RAB28: variants seen among roughly 807,000 people sequenced by gnomAD.
The protein encoded by RAB28 is ras-related protein Rab-28.
Under a neutral mutation model 31.7 loss-of-function variants are expected in RAB28, and 24 were observed. The ratio of observed to expected loss-of-function variants is 0.76; its 90% CI spans 0.55 to 1.06. RAB28 has a LOEUF of 1.06. Ranked by LOEUF, RAB28 falls within the 50% of genes least tolerant of loss-of-function variation. The pLI is 0.00. For missense variants in RAB28, 254 were observed against 258.5 expected (o/e 0.98, Z 0.12); for synonymous variants, 100 against 90.4 (o/e 1.11, Z -0.60).
At chr4:13,416,447 G>A (rs571350672) in intron 4 of RAB28, among the ~76,000 whole-genome samples, 1 of 152,308 alleles carries the variant, frequency 6.6e-6, no homozygotes, top group Non-Finnish European at 1.5e-5. Context: ...CTTCATTCTT[G>A]AAGTCAGTGA....
At chr4:13,393,302 C>T (rs866722099) in intron 4 of RAB28, among the ~76,000 whole-genome samples, 2 of 152,148 alleles carry the variant, frequency 1.3e-5, no homozygotes, top group African/African-American at 4.8e-5. Flanking sequence ...AGAGGATGTA[C>T]ATTCTTCTCA....
At chr4:13,453,184 T>C (rs1007692570) in intron 4 of RAB28, among the ~76,000 whole-genome samples, 2 of 152,220 alleles carry the variant, frequency 1.3e-5, no homozygotes, top group African/African-American at 4.8e-5. Flanking sequence ...GTAGGCAGCA[T>C]ATGGTTGGGT....
chr4:13,472,146 T>A (rs1171066511), intron 3 of RAB28, among the ~76,000 whole-genome samples: 1 of 152,044 alleles, frequency 6.6e-6, no homozygotes, highest in East Asian at 1.9e-4. Context: ...ATACTTTATT[T>A]TTTATTTATT....
At chr4:13,374,885 A>G (rs936827319) in intron 6 of RAB28, among the ~76,000 whole-genome samples, 1 of 152,194 alleles carries the variant, frequency 6.6e-6, no homozygotes, top group African/African-American at 2.4e-5. Flanking sequence ...TAATAAAATT[A>G]ATCAACTTGG....
chr4:13,368,328 G>A lies in RAB28; in HGVS notation c.*230C>T. 8.5e-7 allele frequency: 1 copy of A among 1,176,684 alleles called. No homozygotes were observed. The highest frequency in any genetic ancestry group is 1.0e-6 in the Non-Finnish European group (1 of 952,974). 72.9% of individuals were successfully genotyped at this position (1,176,684 alleles called of 1,614,324 possible). On this transcript the variant is annotated 3_prime_UTR_variant, in exon 7 of 7. Transcript: ENST00000330852. ...TTTGCAATGAAGCAGTCTAATTCCA[G>A]GGAATGGGTTTTCCATTTTGAATTC...
intron 4 of RAB28, among the ~76,000 whole-genome samples, chr4:13,434,695 A>G (rs1406532232): frequency 2.0e-5 from 3 of 152,142 alleles, no homozygotes; most frequent in African/African-American, 7.2e-5. Context: ...CATATCTAGC[A>G]TCTTCTCAGA....
intron 3 of RAB28, among the ~76,000 whole-genome samples, chr4:13,468,876 T>C (rs1471381079): frequency 6.6e-6 from 1 of 151,528 alleles, no homozygotes; most frequent in Non-Finnish European, 1.5e-5. Flanking sequence ...TTAACAACAG[T>C]AATTAATATG....
In RAB28 at chr4:13,468,444, T is replaced by A. The variant is rs545268148; in HGVS notation, c.261+5874A>T. 9.9e-5 allele frequency among the ~76,000 whole-genome samples: 15 copies of A among 151,902 alleles called. No individual in the cohort carries two copies. In the South Asian group the frequency reaches 2.7e-3, roughly 27 times the overall value. On this transcript the variant is annotated intron_variant, in intron 3 of 6. Coordinates refer to ENST00000330852, the MANE Select transcript of RAB28 (RefSeq NM_001017979.3). ...GTAAAATAGCTTTAAAAACTCAAAG[T>A]ATGTGAAGATTAAACAACATATTCT...
intron 4 of RAB28, among the ~76,000 whole-genome samples, chr4:13,388,299 GA>G (rs1010779079): frequency 6.6e-6 from 1 of 152,006 alleles, no homozygotes; most frequent in Non-Finnish European, 1.5e-5. Context: ...ATTATGTTGA[GA>G]AAACTGGATT....
chr4:13,481,475 A>T (rs1449806645), intron 1 of RAB28, among the ~76,000 whole-genome samples: 1 of 152,072 alleles, frequency 6.6e-6, no homozygotes, highest in East Asian at 1.9e-4. Flanking sequence ...GTATTAAGTG[A>T]ACAACTAGCT....
At chr4:13,451,064 C>T (rs190810920) in intron 4 of RAB28, among the ~76,000 whole-genome samples, 1 of 151,794 alleles carries the variant, frequency 6.6e-6, no homozygotes, top group Non-Finnish European at 1.5e-5. Flanking sequence ...AATTTGGGAA[C>T]AGAACTGTAG....
intron 4 of RAB28, among the ~76,000 whole-genome samples, chr4:13,415,959 T>C (rs1303782104): frequency 2.0e-5 from 3 of 152,166 alleles, no homozygotes; most frequent in African/African-American, 2.4e-5. Context: ...GCACCTTGTG[T>C]CTGGCTCAGG....
chr4:13,387,155 T>C (rs1364837644), intron 4 of RAB28, among the ~76,000 whole-genome samples: 1 of 152,042 alleles, frequency 6.6e-6, no homozygotes, highest in Non-Finnish European at 1.5e-5. Context: ...CTAGGTGTAA[T>C]ACCTGGGTGA....
intron 5 of RAB28, among the ~76,000 whole-genome samples, chr4:13,379,868 T>A (rs1403201410): frequency 6.6e-6 from 1 of 152,062 alleles, no homozygotes; most frequent in East Asian, 1.9e-4. Context: ...GAGCTAGAAA[T>A]GATTACAAGT....
At chr4:13,379,205 C>CAA (rs34341516) in intron 5 of RAB28, among the ~76,000 whole-genome samples, 26 of 57,928 alleles carry the variant, frequency 4.5e-4, no homozygotes, top group African/African-American at 1.5e-3. Flanking sequence ...AACTCTGTCT[C>CAA]AAAAAAAAAA....
chr4:13,376,654 A>G, intron 5 of RAB28, 32 bp from the exon 6 acceptor site: 2 of 1,434,824 alleles, frequency 1.4e-6, no homozygotes, highest in Non-Finnish European at 1.9e-6. Context: ...AAATGATTTA[A>G]AAGAGGCATG....
At chr4:13,422,275 T>C (rs1306362006) in intron 4 of RAB28, among the ~76,000 whole-genome samples, 5 of 152,058 alleles carry the variant, frequency 3.3e-5, no homozygotes, top group African/African-American at 9.7e-5. Context: ...CGTGGAGAAA[T>C]AGGAACGCTT....
At chr4:13,448,603 T>C (rs1040188057) in intron 4 of RAB28, among the ~76,000 whole-genome samples, 2 of 152,048 alleles carry the variant, frequency 1.3e-5, no homozygotes, top group Admixed American at 6.6e-5. Flanking sequence ...CAGTTTTTGA[T>C]TGATATTATG....
At chr4:13,464,245 C>T (rs1379919504) in intron 3 of RAB28, among the ~76,000 whole-genome samples, 1 of 151,970 alleles carries the variant, frequency 6.6e-6, no homozygotes, top group African/African-American at 2.4e-5. Context: ...CAGTAAAGAG[C>T]CAAGAAAGAT....
Sources: allele counts gnomAD v4.1 joint callset (sites outside exome capture counted in the v4.1 genomes callset), GRCh38; gene constraint gnomAD v4.1.1; transcripts MANE v1.5; gene names NCBI Gene and HGNC (gene_info 2026-07-23, HGNC 2026-07-21).